PPP1R16A: variants seen among roughly 807,000 people sequenced by gnomAD.
The protein encoded by PPP1R16A is myosin phosphatase-targeting subunit 3.
Under a neutral mutation model 46.6 loss-of-function variants are expected in PPP1R16A, and 39 were observed. That is an observed-to-expected ratio of 0.84 (90% CI 0.65 to 1.09). The LOEUF (loss-of-function observed/expected upper bound fraction) is 1.09, where lower values mean the gene tolerates loss of function less well. Ranked by LOEUF, PPP1R16A falls within the 50% of genes least tolerant of loss-of-function variation. PPP1R16A has a pLI of 0.00. For synonymous variants in PPP1R16A, 413 were observed against 321.5 expected (o/e 1.28, Z -3.04); for missense variants, 798 against 735.6 (o/e 1.08, Z -0.98).
intron 3 of PPP1R16A, chr8:144,497,831 A>G (rs1826160435): frequency 2.6e-6 from 1 of 382,132 alleles, no homozygotes; most frequent in Admixed American, 3.6e-5. Context: ...TGCTCAGGAG[A>G]GCCCTGGTCT....
Position 144,497,303 on chromosome 8 carries a change from T to G in PPP1R16A, c.109T>G (p.Trp37Gly). 6.2e-7 allele frequency: 1 copy of G among 1,612,372 alleles called. No homozygotes were observed. The highest frequency in any genetic ancestry group is 1.1e-5 in the South Asian group (1 of 91,048). Residue 37 changes from tryptophan to glycine, a missense_variant, in exon 3 of 12, where the codon TGG becomes GGG. By Grantham distance (184) the Trp-to-Gly change is radical. Transcript: ENST00000435887. ...QKRRAQQVKMWAQAEKEAQGK... is the reference protein window; with the variant it reads ...QKRRAQQVKMGAQAEKEAQGK... ...GCGGCGCGCCCAGCAGGTGAAGATG[T>G]GGGCCCAGGCTGAGAAGGAGGCCCA...
At chr8:144,479,473 T>TC (rs1450067596) in intron 1 of PPP1R16A, among the ~76,000 whole-genome samples, 2 of 152,168 alleles carry the variant, frequency 1.3e-5, no homozygotes. Flanking sequence ...CCTGGCCTCA[T>TC]CCCTCACCTG....
At chr8:144,484,409 C>T (rs1011434496) in intron 1 of PPP1R16A, among the ~76,000 whole-genome samples, 3 of 152,196 alleles carry the variant, frequency 2.0e-5, no homozygotes, top group African/African-American at 4.8e-5. Context: ...CTGCTTGTGG[C>T]CCTGGCTTCT....
At position 144,497,161 on chromosome 8, in the gene PPP1R16A, C is replaced by G. The variant is rs765898963; in HGVS notation, c.-34C>G. 6 of 1,542,254 alleles carry G rather than the reference C, an allele frequency of 3.9e-6. No individual in the cohort carries two copies. Among genetic ancestry groups the G allele is most frequent in the Non-Finnish European group, 5.2e-6 (6 of 1,147,128 alleles). On this transcript the variant is annotated 5_prime_UTR_variant, in exon 3 of 12. Coordinates refer to ENST00000435887, the MANE Select transcript of PPP1R16A (RefSeq NM_001329443.2). ...GGCCCCCAAGCTCCCCACTCTGGTGCCCCGAGCAGCCCTGTGGGCAAGCAG... is the reference window on the plus strand; with the variant it reads ...GGCCCCCAAGCTCCCCACTCTGGTGGCCCGAGCAGCCCTGTGGGCAAGCAG...
At chr8:144,497,891 C>T in intron 3 of PPP1R16A, 1 of 368,546 alleles carries the variant, frequency 2.7e-6, no homozygotes, top group Non-Finnish European at 5.4e-6. Context: ...GGTGAGAGAG[C>T]CAGGCCCTGG....
At chr8:144,497,674 T>C in intron 3 of PPP1R16A, 1 of 693,944 alleles carries the variant, frequency 1.4e-6, no homozygotes, top group Non-Finnish European at 2.6e-6. Flanking sequence ...GGGACAGCCG[T>C]CCTTCAGGCG....
intron 11 of PPP1R16A, 76 bp from the exon 12 acceptor site, chr8:144,501,444 G>T: frequency 1.3e-6 from 2 of 1,483,100 alleles, no homozygotes; most frequent in South Asian, 2.7e-5. Flanking sequence ...GTCCCTTCAT[G>T]ACCATACAGC....
chr8:144,500,668 C>T lies in PPP1R16A; in HGVS notation c.832-18C>T. On this transcript the variant is annotated intron_variant, in intron 8 of 11. Transcript: ENST00000435887. Reference sequence around the variant, plus strand: ...GCTTCCAGCGCAGCAGTCTGCAGCTCCGGCCTGCCGTCCACAGGTGCCCCT... The same window carrying T: ...GCTTCCAGCGCAGCAGTCTGCAGCTTCGGCCTGCCGTCCACAGGTGCCCCT... The T allele has an allele frequency of 6.2e-7, 1 of 1,605,426 alleles. No homozygotes were observed. The highest frequency in any genetic ancestry group is 8.5e-7 in the Non-Finnish European group (1 of 1,179,376).
At chr8:144,495,130 T>C (rs1354368912) in intron 2 of PPP1R16A, among the ~76,000 whole-genome samples, 1 of 152,196 alleles carries the variant, frequency 6.6e-6, no homozygotes, top group East Asian at 1.9e-4. Context: ...TTATTGGCCG[T>C]GTCCTCAGGA....
At chr8:144,489,675 T>C (rs1382748337) in intron 1 of PPP1R16A, among the ~76,000 whole-genome samples, 4 of 152,212 alleles carry the variant, frequency 2.6e-5, no homozygotes, top group Middle Eastern at 3.4e-3. Context: ...TCAGTAGACG[T>C]GGTGTGACGT....
At chr8:144,491,442 A>G (rs1027603056) in intron 2 of PPP1R16A, among the ~76,000 whole-genome samples, 7 of 151,380 alleles carry the variant, frequency 4.6e-5, no homozygotes, top group Non-Finnish European at 4.4e-5. Context: ...ATAGGGAAAC[A>G]CTGTCTCTAC....
intron 1 of PPP1R16A, among the ~76,000 whole-genome samples, chr8:144,480,280 GC>G (rs1398344183): frequency 6.6e-6 from 1 of 152,200 alleles, no homozygotes; most frequent in East Asian, 1.9e-4. Flanking sequence ...GGGCTAGGCA[GC>G]AAACATTTTA....
At chr8:144,481,628 G>A (rs1164722041) in intron 1 of PPP1R16A, among the ~76,000 whole-genome samples, 2 of 152,082 alleles carry the variant, frequency 1.3e-5, no homozygotes, top group Non-Finnish European at 2.9e-5. Flanking sequence ...TGGGCAAAAA[G>A]AGCGAAACTC....
In PPP1R16A at chr8:144,493,945, G is replaced by C. The variant is rs1174854302; in HGVS notation, c.-734-2516G>C. The stretch of plus-strand genomic sequence containing the variant: ...GCCTCCCTCTGCAGCCAGGGGGACT[G>C]GGGGGGTTCCCACTGTCCAGCTGCT... On this transcript the variant is annotated intron_variant, in intron 2 of 11. Transcript: ENST00000435887. This position sits in a 1 kb window ranked among gnomAD's most constrained non-coding sequence, Gnocchi z 4.3. Among the ~76,000 whole-genome samples, 3 of 151,916 alleles carry C rather than the reference G, an allele frequency of 2.0e-5. No individual in the cohort carries two copies. The highest frequency in any genetic ancestry group is 4.8e-5 in the African/African-American group (2 of 41,338).
chr8:144,491,762 CAAA>C (rs549819147), intron 2 of PPP1R16A, among the ~76,000 whole-genome samples: 16 of 83,758 alleles, frequency 1.9e-4, no homozygotes, highest in African/African-American at 3.9e-4. Context: ...GACTCTGTTT[CAAA>C]AAAAAAAAAA....
At chr8:144,499,330 G>A in intron 5 of PPP1R16A, 1 of 513,252 alleles carries the variant, frequency 1.9e-6, no homozygotes. Flanking sequence ...TGTGCACAGA[G>A]AAATGTCTTG....
At chr8:144,496,365 GAAGCCTGGTCTC>G (rs1826067237) in intron 2 of PPP1R16A, 84 bp from the exon 3 acceptor site, 1 of 152,632 alleles carries the variant, frequency 6.6e-6, no homozygotes. Flanking sequence ...GAGACAGCTG[GAAGCCTGGTCTC>G]ACCTGAGGCC....
chr8:144,481,380 C>T (rs1273603033), intron 1 of PPP1R16A, among the ~76,000 whole-genome samples: 6 of 151,886 alleles, frequency 4.0e-5, no homozygotes, highest in Non-Finnish European at 8.8e-5. Context: ...TGGGGGCTCA[C>T]GCCTGTAATC....
At chr8:144,499,741 A>G (rs1385546782) in intron 5 of PPP1R16A, 2 of 270,034 alleles carry the variant, frequency 7.4e-6, no homozygotes, top group Non-Finnish European at 1.4e-5. Context: ...TGCTCCCCAC[A>G]GCTCAGCAGC....
Sources: allele counts gnomAD v4.1 joint callset (sites outside exome capture counted in the v4.1 genomes callset), GRCh38; gene constraint gnomAD v4.1.1; non-coding constraint Gnocchi (gnomAD v3.1); transcripts MANE v1.5; gene names NCBI Gene and HGNC (gene_info 2026-07-23, HGNC 2026-07-21).